The following LCOR variants were observed in gnomAD, a reference collection of about 807,000 sequenced individuals.
LCOR encodes the protein ligand dependent nuclear receptor corepressor.
Under a neutral mutation model 64.4 loss-of-function variants are expected in LCOR, and 14 were observed. That is an observed-to-expected ratio of 0.22 (90% CI 0.14 to 0.34). The LOEUF (loss-of-function observed/expected upper bound fraction) is 0.34, where lower values mean the gene tolerates loss of function less well. LCOR is among the 10% of genes least tolerant of loss of function. LCOR has a pLI of 1.00. For missense variants in LCOR, 1,686 were observed against 1,765.3 expected, an observed-to-expected ratio of 0.96 and a Z score of 0.80; for synonymous variants, 643 against 642.5, an observed-to-expected ratio of 1.00 and a Z score of -0.01.
intron 4 of LCOR, among the ~76,000 whole-genome samples, chr10:96,935,220 C>A (rs540386870): frequency 4.9e-4 from 65 of 133,676 alleles, no homozygotes; most frequent in African/African-American, 1.8e-3. Flanking sequence ...ATGATCTTGG[C>A]GCACTGCAAC....
intron 4 of LCOR, among the ~76,000 whole-genome samples, chr10:96,918,583 C>G (rs1846995378): frequency 6.6e-6 from 1 of 152,094 alleles, no homozygotes; most frequent in Non-Finnish European, 1.5e-5. Context: ...AAGTACTATA[C>G]TCATAGAAGA....
chr10:96,860,561 C>T (rs1845872047), intron 2 of LCOR, among the ~76,000 whole-genome samples: 1 of 152,224 alleles, frequency 6.6e-6, no homozygotes, highest in Non-Finnish European at 1.5e-5. Flanking sequence ...ATGTTGTTTT[C>T]AGCCAGTTAC....
At chr10:96,950,909 G>A (rs1847667196) in intron 6 of LCOR, among the ~76,000 whole-genome samples, 1 of 152,052 alleles carries the variant, frequency 6.6e-6, no homozygotes, top group Non-Finnish European at 1.5e-5. Flanking sequence ...TGTCTAATAG[G>A]ATAATTGGTT....
chr10:96,945,449 G>A (rs894210184), intron 5 of LCOR, among the ~76,000 whole-genome samples: 4 of 151,970 alleles, frequency 2.6e-5, no homozygotes, highest in Non-Finnish European at 5.9e-5. Flanking sequence ...AAATTGTTTA[G>A]TACATCCTTA....
chr10:96,930,641 CGTAGA>C (rs1847242073), intron 4 of LCOR, among the ~76,000 whole-genome samples: 2 of 152,260 alleles, frequency 1.3e-5, no homozygotes, highest in South Asian at 2.1e-4. Flanking sequence ...TGGAGAAAAG[CGTAGA>C]GTAAACTGCT....
At chr10:96,936,515 A>G (rs1305929585) in intron 4 of LCOR, among the ~76,000 whole-genome samples, 4 of 152,244 alleles carry the variant, frequency 2.6e-5, no homozygotes, top group Non-Finnish European at 5.9e-5. Flanking sequence ...AGAAGACTCA[A>G]GTTACTAATC....
At chr10:96,866,110 C>T (rs530000829) in intron 2 of LCOR, among the ~76,000 whole-genome samples, 1 of 152,136 alleles carries the variant, frequency 6.6e-6, no homozygotes, top group African/African-American at 2.4e-5. Flanking sequence ...ATTAACAGTT[C>T]ATTCCTTTTT....
At chr10:96,868,104 G>C (rs1390541388) in intron 2 of LCOR, among the ~76,000 whole-genome samples, 1 of 151,456 alleles carries the variant, frequency 6.6e-6, no homozygotes, top group African/African-American at 2.4e-5. Flanking sequence ...GGCTGGTCTC[G>C]AACTCCCGAC....
At chr10:96,864,824 G>A (rs749828545) in intron 2 of LCOR, among the ~76,000 whole-genome samples, 2 of 152,198 alleles carry the variant, frequency 1.3e-5, no homozygotes, top group Non-Finnish European at 2.9e-5. Context: ...GCTAGCAATA[G>A]CCTAGGTGTG....
chr10:96,885,756 G>GA (rs372096986), intron 2 of LCOR, among the ~76,000 whole-genome samples: 28 of 144,628 alleles, frequency 1.9e-4, no homozygotes, highest in Admixed American at 4.1e-4. Flanking sequence ...GAACCGAAAA[G>GA]AAAAAAAAAA....
At chr10:96,967,164 C>G (rs1158440581) in intron 7 of LCOR, among the ~76,000 whole-genome samples, 2 of 152,194 alleles carry the variant, frequency 1.3e-5, no homozygotes, top group African/African-American at 4.8e-5. Flanking sequence ...GAATCTGTCC[C>G]TGTCTCCTAG....
chr10:96,924,701 AC>A (rs1564627694), intron 4 of LCOR, among the ~76,000 whole-genome samples: 1 of 152,070 alleles, frequency 6.6e-6, no homozygotes, highest in East Asian at 1.9e-4. Context: ...CATAATTACT[AC>A]TTACAACGCA....
intron 2 of LCOR, among the ~76,000 whole-genome samples, chr10:96,893,927 A>G (rs191945212): frequency 6.6e-6 from 1 of 152,272 alleles, no homozygotes; most frequent in East Asian, 1.9e-4. Flanking sequence ...AGTGAATGTA[A>G]AATTCAGTTG....
intron 4 of LCOR, among the ~76,000 whole-genome samples, chr10:96,914,547 C>T (rs1261422918): frequency 6.6e-6 from 1 of 152,234 alleles, no homozygotes; most frequent in Non-Finnish European, 1.5e-5. Context: ...CAAAGCCAAA[C>T]TGTATCCATC....
At chr10:96,865,597 A>G (rs1173142423) in intron 2 of LCOR, among the ~76,000 whole-genome samples, 1 of 152,096 alleles carries the variant, frequency 6.6e-6, no homozygotes, top group African/African-American at 2.4e-5. Flanking sequence ...CTTCTGAGCC[A>G]GGCGCGGTGG....
intron 2 of LCOR, among the ~76,000 whole-genome samples, chr10:96,872,433 C>G (rs1168482818): frequency 6.6e-6 from 1 of 152,180 alleles, no homozygotes. Context: ...TGGCTCACAC[C>G]TGTAGTCCTG....
At chr10:96,941,378 C>G (rs1020313161) in intron 4 of LCOR, among the ~76,000 whole-genome samples, 1 of 144,698 alleles carries the variant, frequency 6.9e-6, no homozygotes, top group Non-Finnish European at 1.5e-5. Flanking sequence ...AGGCGCCCCT[C>G]ACCTCCCGGA....
chr10:96,987,462 A>G lies in LCOR; in HGVS notation c.*2328A>G, dbSNP rs1439469511. The G allele has an allele frequency of 1.3e-5, 2 of 152,148 alleles. No homozygotes were observed. Among genetic ancestry groups the G allele is most frequent in the Non-Finnish European group, 2.9e-5 (2 of 68,018 alleles). 9.4% of individuals were successfully genotyped at this position (152,148 alleles called of 1,614,324 possible). On this transcript the variant is annotated 3_prime_UTR_variant, in exon 8 of 8. Transcript: ENST00000421806. ...TTGTAATTCATTCCATTCCTTTTCT[A>G]AGTTCTTTTTCATTTTTAAAAGCTC...
chr10:96,970,262 G>A (rs1406615518), intron 7 of LCOR, among the ~76,000 whole-genome samples: 2 of 152,024 alleles, frequency 1.3e-5, no homozygotes, highest in Non-Finnish European at 2.9e-5. Context: ...ACCGGGTGTG[G>A]TGGCGCTTGC....
Sources: gnomAD v4.1 joint callset for allele counts (sites outside exome capture counted in the v4.1 genomes callset) on GRCh38, gnomAD v4.1.1 for gene constraint, MANE v1.5 for transcripts, NCBI Gene and HGNC (gene_info 2026-07-23, HGNC 2026-07-21) for gene names.